Variants in TMEM71 observed in about 807,000 individuals in gnomAD.
TMEM71 encodes the protein transmembrane protein 71.
Under a neutral mutation model 38.0 loss-of-function variants are expected in TMEM71, and 44 were observed. The observed-to-expected ratio is 1.16, with a 90% CI of 0.91 to 1.49. The LOEUF is 1.49. Ranked by LOEUF, TMEM71 falls within the 40% of genes most tolerant of loss-of-function variation. The pLI is 0.00. For missense variants in TMEM71, 367 were observed against 348.6 expected, an observed-to-expected ratio of 1.05 and a Z score of -0.42; for synonymous variants, 133 against 122.5, an observed-to-expected ratio of 1.09 and a Z score of -0.56.
At chr8:132,720,197 C>T (rs1161337213) in intron 7 of TMEM71, among the ~76,000 whole-genome samples, 1 of 152,188 alleles carries the variant, frequency 6.6e-6, no homozygotes, top group Non-Finnish European at 1.5e-5. Context: ...TCCTGTTTCT[C>T]CACTGAAGAG....
At chr8:132,718,603 T>C (rs926857182) in intron 7 of TMEM71, among the ~76,000 whole-genome samples, 1 of 152,174 alleles carries the variant, frequency 6.6e-6, no homozygotes, top group African/African-American at 2.4e-5. Context: ...TTCACCGTGT[T>C]AGCCAGGATG....
the TMEM71 span, among the ~76,000 whole-genome samples, chr8:132,769,192 T>A: frequency 6.6e-6 from 1 of 152,264 alleles, no homozygotes; most frequent in African/African-American, 2.4e-5. Flanking sequence ...AAAGTCTGCA[T>A]AGAACTCTTA....
chr8:132,725,591 G>C (rs1827099793), intron 6 of TMEM71, among the ~76,000 whole-genome samples: 2 of 152,114 alleles, frequency 1.3e-5, no homozygotes, highest in African/African-American at 4.8e-5. Context: ...TATATCTTTG[G>C]CACCTGGAAA....
chr8:132,711,029 A>G, intron 9 of TMEM71, 47 bp from the exon 10 acceptor site: 1 of 1,590,638 alleles, frequency 6.3e-7, no homozygotes, highest in South Asian at 1.1e-5. Flanking sequence ...ATCCCCATGC[A>G]CAGGAAATGC....
chr8:132,758,083 G>T (rs1459091181), intron 2 of TMEM71: 1 of 152,130 alleles, frequency 6.6e-6, no homozygotes, highest in Non-Finnish European at 1.5e-5. Flanking sequence ...CATTAGTGGG[G>T]AAGAAATAAA....
the TMEM71 span, among the ~76,000 whole-genome samples, chr8:132,769,173 A>G: frequency 6.6e-6 from 1 of 152,252 alleles, no homozygotes; most frequent in African/African-American, 2.4e-5. Context: ...GTAAGGCATT[A>G]ATAATTATAA....
At chr8:132,770,321 C>A in the TMEM71 span, among the ~76,000 whole-genome samples, 2 of 152,178 alleles carry the variant, frequency 1.3e-5, no homozygotes, top group Non-Finnish European at 2.9e-5. Context: ...TTTTAAGTAA[C>A]AGCACTCGAA....
At chr8:132,733,566 C>T (rs1228691923) in intron 5 of TMEM71, among the ~76,000 whole-genome samples, 2 of 152,186 alleles carry the variant, frequency 1.3e-5, no homozygotes, top group African/African-American at 2.4e-5. Flanking sequence ...CTTGCACTGC[C>T]TTACACATAG....
At chr8:132,765,367 C>A (rs1253996930), upstream of TMEM71, among the ~76,000 whole-genome samples, 2 of 152,172 alleles carry the variant, frequency 1.3e-5, no homozygotes, top group African/African-American at 2.4e-5. Context: ...CCAGTCCCTG[C>A]AGATCACTTC....
chr8:132,721,956 G>T, intron 7 of TMEM71, 84 bp downstream of exon 7: 1 of 1,205,822 alleles, frequency 8.3e-7, no homozygotes. Context: ...AAAATGTTTT[G>T]TGGAATAAGG....
intron 5 of TMEM71, among the ~76,000 whole-genome samples, chr8:132,731,197 T>C (rs570076781): frequency 7.1e-4 from 108 of 152,240 alleles, no homozygotes; most frequent in Non-Finnish European, 1.2e-3. Flanking sequence ...TACCAACATA[T>C]AGTTTAGATG....
chr8:132,752,544 A>G (rs1346991478), intron 3 of TMEM71, among the ~76,000 whole-genome samples: 2 of 152,090 alleles, frequency 1.3e-5, no homozygotes, highest in African/African-American at 4.8e-5. Flanking sequence ...TAATTCCTTG[A>G]GTAAATCTAT....
At chr8:132,739,645 G>A (rs1182706977) in intron 5 of TMEM71, among the ~76,000 whole-genome samples, 1 of 152,106 alleles carries the variant, frequency 6.6e-6, no homozygotes, top group African/African-American at 2.4e-5. Context: ...ATTAACTTGG[G>A]CGAGTTCCTT....
chr8:132,751,882 A>C lies in TMEM71; in HGVS notation c.217T>G (p.Tyr73Asp), dbSNP rs77549015. ...AGGAAGCTGTCTTCAGTCCAAATAT[A>C]GTAGCCATTGGTGAGGAGTCTGGGA... ...RSPRLLTNGY[Y>D]IWTEDSFLCD... The change falls in exon 4 of 10, where the codon TAT (tyrosine) becomes GAT (aspartate). Residue 73 changes from tyrosine to aspartate, a missense_variant. Transcript: ENST00000677595. 1 of 1,614,058 alleles carries C rather than the reference A, an allele frequency of 6.2e-7. No homozygotes were observed. The highest frequency in any genetic ancestry group is 1.3e-5 in the African/African-American group (1 of 75,038).
At position 132,733,180 on chromosome 8, in the gene TMEM71, T is replaced by G. The variant is rs528305473; in HGVS notation, c.488-5194A>C. The stretch of plus-strand genomic sequence containing the variant: ...TGTGTGTGTTTTTTTGTTGTTGTTG[T>G]TTAGTGTCTGTCTCCCTCACTAGAC... On this transcript the variant is annotated intron_variant, in intron 5 of 9. Transcript: ENST00000677595. Among the ~76,000 whole-genome samples the G allele has an allele frequency of 4.6e-5, 7 of 152,304 alleles. No individual in the cohort carries two copies. In the South Asian group the frequency reaches 1.4e-3, roughly 32 times the overall value.
rs144539646 is a variant in TMEM71 at position 132,724,599 on chromosome 8, C to T, written c.677-2484G>A. On this transcript the variant is annotated intron_variant, in intron 6 of 9. Coordinates refer to ENST00000677595, the MANE Select transcript of TMEM71 (RefSeq NM_001382403.1). Reference sequence around the variant, plus strand: ...CAAGGTGCACTGATTTCATATTGTTCAAACACACATGTTTTACAATCAATT... The same window carrying T: ...CAAGGTGCACTGATTTCATATTGTTTAAACACACATGTTTTACAATCAATT... 7.1e-3 allele frequency among the ~76,000 whole-genome samples: 1,085 copies of T among 152,242 alleles called. 16 individuals are homozygous for T. Among genetic ancestry groups the T allele is most frequent in the African/African-American group, 0.025 (1,048 of 41,542 alleles).
chr8:132,748,761 T>G (rs994938033), intron 4 of TMEM71, among the ~76,000 whole-genome samples: 1 of 152,234 alleles, frequency 6.6e-6, no homozygotes, highest in East Asian at 1.9e-4. Flanking sequence ...ACAAAAAGTA[T>G]GGATGAGACA....
rs937309868 is a variant in TMEM71, at chr8:132,758,695, C to T, written c.40+145G>A. The T allele has an allele frequency of 9.1e-6, 6 of 655,912 alleles. No homozygotes were observed. In the South Asian group the frequency reaches 9.7e-5, roughly 11 times the overall value. The allele number at this position is 655,912 out of a possible 1,614,324, so 40.6% of individuals were successfully genotyped here. A position where few individuals can be genotyped will look rare whatever the true frequency, so the allele number is the denominator to read the frequency against. On this transcript the variant is annotated intron_variant, in intron 2 of 9. Transcript: ENST00000677595. ...AAAAAAATGAAGTTAAAATCATTGCCAAAGTGAACACTGGCATTTAAGAAG... is the reference window on the plus strand; with the variant it reads ...AAAAAAATGAAGTTAAAATCATTGCTAAAGTGAACACTGGCATTTAAGAAG...
At chr8:132,775,924 G>A in the TMEM71 span, among the ~76,000 whole-genome samples, 1 of 152,074 alleles carries the variant, frequency 6.6e-6, no homozygotes, top group Non-Finnish European at 1.5e-5. Context: ...TCTCTGTCTG[G>A]CCTCACCTCC....
Sources: gnomAD v4.1 joint callset for allele counts (sites outside exome capture counted in the v4.1 genomes callset) on GRCh38, gnomAD v4.1.1 for gene constraint, MANE v1.5 for transcripts, NCBI Gene and HGNC (gene_info 2026-07-23, HGNC 2026-07-21) for gene names.